Variants in SNX3 observed in about 807,000 individuals in gnomAD.
The protein encoded by SNX3 is sorting nexin-3.
In SNX3, 5 loss-of-function variants were observed where a neutral mutation model predicts 17.7. That is an observed-to-expected ratio of 0.28 (90% confidence interval 0.15 to 0.59). The LOEUF (loss-of-function observed/expected upper bound fraction) is 0.59, where lower values mean the gene tolerates loss of function less well. SNX3 is among the 20% of genes least tolerant of loss of function. SNX3 has a pLI of 0.88. For synonymous variants in SNX3, 91 were observed against 76.5 expected, an observed-to-expected ratio of 1.19 and a Z score of -0.99; for missense variants, 132 against 206.8, an observed-to-expected ratio of 0.64 and a Z score of 2.22.
intron 1 of SNX3, 50 bp downstream of exon 1, chr6:108,260,710 A>C: frequency 6.2e-7 from 1 of 1,608,130 alleles, no homozygotes; most frequent in Non-Finnish European, 8.5e-7. Flanking sequence ...AGTGGGGGTG[A>C]CCAGAGCCAG....
At chr6:108,222,593 G>T (rs1774829034) in intron 2 of SNX3, among the ~76,000 whole-genome samples, 1 of 151,578 alleles carries the variant, frequency 6.6e-6, no homozygotes, top group South Asian at 2.1e-4. Flanking sequence ...AACAAAATTG[G>T]AAATACACTG....
chr6:108,220,822 A>G (rs1393537044), intron 2 of SNX3, among the ~76,000 whole-genome samples: 1 of 151,938 alleles, frequency 6.6e-6, no homozygotes, highest in Non-Finnish European at 1.5e-5. Flanking sequence ...TACTAAAAAT[A>G]TAAAAAAAAT....
chr6:108,213,526 A>G (rs1318252718), intron 3 of SNX3, among the ~76,000 whole-genome samples: 2 of 151,874 alleles, frequency 1.3e-5, no homozygotes, highest in Non-Finnish European at 2.9e-5. Context: ...ATGGTGCGCA[A>G]CTATAATCCC....
At chr6:108,258,723 G>C (rs1040543917) in intron 1 of SNX3, among the ~76,000 whole-genome samples, 1 of 151,950 alleles carries the variant, frequency 6.6e-6, no homozygotes, top group African/African-American at 2.4e-5. Context: ...TGCCCAGGCT[G>C]GTCTCAAACT....
intron 2 of SNX3, among the ~76,000 whole-genome samples, chr6:108,215,453 G>A (rs905903391): frequency 6.6e-6 from 1 of 151,900 alleles, no homozygotes; most frequent in Non-Finnish European, 1.5e-5. Flanking sequence ...AATAACTCTA[G>A]TTGTCACTAT....
chr6:108,227,286 C>G (rs1775003117), intron 1 of SNX3, among the ~76,000 whole-genome samples: 1 of 152,172 alleles, frequency 6.6e-6, no homozygotes, highest in South Asian at 2.1e-4. Flanking sequence ...AGGGGATTAA[C>G]TGCTCTCTTT....
chr6:108,253,153 T>C (rs1775916688), intron 1 of SNX3, among the ~76,000 whole-genome samples: 1 of 152,242 alleles, frequency 6.6e-6, no homozygotes, highest in Admixed American at 6.5e-5. Flanking sequence ...GGAAAATGTC[T>C]ATTGCATGTG....
intron 1 of SNX3, among the ~76,000 whole-genome samples, chr6:108,256,343 G>C (rs913823005): frequency 6.6e-6 from 1 of 152,174 alleles, no homozygotes; most frequent in African/African-American, 2.4e-5. Context: ...TAGGTTTCTT[G>C]ACAAGAAAAT....
intron 1 of SNX3, among the ~76,000 whole-genome samples, chr6:108,224,083 CA>C (rs1307755959): frequency 4.6e-5 from 7 of 152,210 alleles, no homozygotes; most frequent in Admixed American, 2.6e-4. Context: ...TTCATCATAG[CA>C]AAACCCTAAC....
intron 1 of SNX3, 147 bp downstream of exon 1, chr6:108,260,613 C>T (rs1776161995): frequency 2.4e-6 from 2 of 826,118 alleles, no homozygotes; most frequent in Non-Finnish European, 3.8e-6. Flanking sequence ...GGAAGAGGGG[C>T]CCTGGCTCAC....
chr6:108,217,878 A>G (rs575082473), intron 2 of SNX3, among the ~76,000 whole-genome samples: 2 of 152,368 alleles, frequency 1.3e-5, no homozygotes, highest in Admixed American at 1.3e-4. Context: ...GCAAACTAGA[A>G]TAAAAGCTAA....
At position 108,260,960 on chromosome 6, in the gene SNX3, C is replaced by T. The variant is rs780794151; in HGVS notation, c.-39G>A. The stretch of plus-strand genomic sequence containing the variant: ...CTGCCGCCGCCGCGGGCTCCCTCCG[C>T]CCCCTCCGCGTTCAGCCGCCGCCGC... On this transcript the variant is annotated 5_prime_UTR_variant, in exon 1 of 4. Coordinates refer to ENST00000230085, the MANE Select transcript of SNX3 (RefSeq NM_003795.6). 78 of 1,489,476 alleles carry T rather than the reference C, an allele frequency of 5.2e-5. No individual in the cohort carries two copies. The highest frequency in any genetic ancestry group is 9.3e-5 in the South Asian group (7 of 75,174). 92.3% of individuals were successfully genotyped at this position (1,489,476 alleles called of 1,614,324 possible).
intron 1 of SNX3, among the ~76,000 whole-genome samples, chr6:108,238,149 A>G (rs567947306): frequency 6.6e-6 from 1 of 151,348 alleles, no homozygotes; most frequent in East Asian, 1.9e-4. Context: ...ACTATAATGG[A>G]TACCCCTCTC....
In SNX3 at chr6:108,261,009, A is replaced by G; in HGVS notation, c.-88T>C. On this transcript the variant is annotated 5_prime_UTR_variant, in exon 1 of 4. Transcript: ENST00000230085. Reference sequence around the variant, plus strand: ...GCCGCCGCTGCTGCCCGCCGTGGGGACACGGGGCTCGCGCGCAGCGGTCGC... The same window carrying G: ...GCCGCCGCTGCTGCCCGCCGTGGGGGCACGGGGCTCGCGCGCAGCGGTCGC... 1.6e-6 allele frequency: 2 copies of G among 1,263,856 alleles called. No individual in the cohort carries two copies. The highest frequency in any genetic ancestry group is 2.1e-6 in the Non-Finnish European group (2 of 969,768). 78.3% of individuals were successfully genotyped at this position (1,263,856 alleles called of 1,614,324 possible).
At chr6:108,241,913 C>T (rs1312362248) in intron 1 of SNX3, among the ~76,000 whole-genome samples, 2 of 152,050 alleles carry the variant, frequency 1.3e-5, no homozygotes, top group African/African-American at 2.4e-5. Context: ...TCAATATGTT[C>T]AAATTAAAGG....
chr6:108,221,720 A>AT (rs1774779907), intron 2 of SNX3, among the ~76,000 whole-genome samples: 1 of 150,496 alleles, frequency 6.6e-6, no homozygotes, highest in Non-Finnish European at 1.5e-5. Flanking sequence ...TAATTTTTGT[A>AT]TTTTTTGTAG....
intron 1 of SNX3, among the ~76,000 whole-genome samples, chr6:108,254,459 C>G (rs982144201): frequency 6.6e-6 from 1 of 152,070 alleles, no homozygotes; most frequent in Non-Finnish European, 1.5e-5. Context: ...AGAGTGAGAC[C>G]CTGTCTCAAA....
intron 2 of SNX3, among the ~76,000 whole-genome samples, chr6:108,221,738 G>T (rs1482583461): frequency 6.6e-6 from 1 of 151,564 alleles, no homozygotes; most frequent in Non-Finnish European, 1.5e-5. Flanking sequence ...TAGCGATGGG[G>T]TTTCGCATGT....
intron 1 of SNX3, among the ~76,000 whole-genome samples, chr6:108,235,423 C>G (rs987736559): frequency 1.3e-5 from 2 of 152,210 alleles, no homozygotes; most frequent in East Asian, 3.8e-4. Flanking sequence ...CCTGACCAAA[C>G]TGTAGAACTG....
Sources: gnomAD v4.1 joint callset for allele counts (sites outside exome capture counted in the v4.1 genomes callset) on GRCh38, gnomAD v4.1.1 for gene constraint, MANE v1.5 for transcripts, NCBI Gene and HGNC (gene_info 2026-07-23, HGNC 2026-07-21) for gene names.